PTGR2: variants seen among roughly 807,000 people sequenced by gnomAD.
PTGR2 encodes the protein prostaglandin reductase 2.
Under a neutral mutation model 43.4 loss-of-function variants are expected in PTGR2, and 32 were observed. The ratio of observed to expected loss-of-function variants is 0.74; its 90% CI spans 0.56 to 0.99. PTGR2 has a LOEUF of 0.99. Ranked by LOEUF, PTGR2 falls within the 50% of genes least tolerant of loss-of-function variation. The pLI, the probability that PTGR2 is intolerant of heterozygous loss-of-function variation, is 0.00. For synonymous variants in PTGR2, 106 were observed against 139.2 expected, an observed-to-expected ratio of 0.76 and a Z score of 1.68; for missense variants, 373 against 420.0, an observed-to-expected ratio of 0.89 and a Z score of 0.98.
At chr14:73,861,919 C>G (rs1235017696) in intron 3 of PTGR2, among the ~76,000 whole-genome samples, 2 of 151,756 alleles carry the variant, frequency 1.3e-5, no homozygotes, top group African/African-American at 4.8e-5. Flanking sequence ...ACTCTGTTGC[C>G]TAGGCTGGAG....
chr14:73,856,444 T>A (rs1355242138), intron 1 of PTGR2, among the ~76,000 whole-genome samples: 1 of 151,836 alleles, frequency 6.6e-6, no homozygotes, highest in Non-Finnish European at 1.5e-5. Context: ...AGAGACAGGA[T>A]TTCATCATGT....
intron 2 of PTGR2, among the ~76,000 whole-genome samples, chr14:73,859,906 T>G (rs56901126): frequency 0.033 from 4,937 of 150,988 alleles, 180 homozygotes; most frequent in African/African-American, 0.083. Context: ...TGTCATGCAG[T>G]GGCACAATCT....
chr14:73,872,640 A>T (rs1440497214), intron 3 of PTGR2, among the ~76,000 whole-genome samples: 1 of 152,190 alleles, frequency 6.6e-6, no homozygotes, highest in Non-Finnish European at 1.5e-5. Flanking sequence ...TGCAACTGTC[A>T]CCTCAGTTTT....
Position 73,875,555 on chromosome 14 carries a change from A to C in PTGR2, c.348+1341A>C, listed in dbSNP as rs542297541. Among the ~76,000 whole-genome samples the C allele has an allele frequency of 4.1e-4, 62 of 151,238 alleles. No homozygotes were observed. In the South Asian group the frequency reaches 0.012, roughly 30 times the overall value. On this transcript the variant is annotated intron_variant, in intron 4 of 9. Transcript: ENST00000555661. ...GAGATGGGATTTCAGCATCTTGGCC[A>C]GGGTGGTGTTGAATGCCTGACCTCA...
chr14:73,871,520 A>C (rs1173592700), intron 3 of PTGR2, among the ~76,000 whole-genome samples: 2 of 152,056 alleles, frequency 1.3e-5, no homozygotes, highest in Non-Finnish European at 2.9e-5. Context: ...ATTAAACCAA[A>C]GGAGAGGGTA....
At chr14:73,873,745 T>C (rs1421945813) in intron 3 of PTGR2, among the ~76,000 whole-genome samples, 1 of 152,152 alleles carries the variant, frequency 6.6e-6, no homozygotes, top group Non-Finnish European at 1.5e-5. Context: ...ATTATAGGCC[T>C]GAGCCACCGT....
At chr14:73,863,063 CACTT>C (rs1027021639) in intron 3 of PTGR2, among the ~76,000 whole-genome samples, 9 of 152,126 alleles carry the variant, frequency 5.9e-5, no homozygotes, top group Admixed American at 2.6e-4. Flanking sequence ...ACAATTTACT[CACTT>C]AAAGAGTACA....
intron 3 of PTGR2, among the ~76,000 whole-genome samples, chr14:73,864,272 G>A (rs2054555736): frequency 2.0e-5 from 3 of 152,286 alleles, no homozygotes; most frequent in Admixed American, 1.3e-4. Flanking sequence ...ATGTTTTTGT[G>A]TGGACTGTGT....
At chr14:73,853,676 T>C (rs939103545) in intron 1 of PTGR2, among the ~76,000 whole-genome samples, 7 of 152,262 alleles carry the variant, frequency 4.6e-5, no homozygotes, top group Non-Finnish European at 1.0e-4. Flanking sequence ...CACAGTTTTT[T>C]TGGGGTGAGG....
At chr14:73,877,263 T>C (rs1854621662) in intron 5 of PTGR2, 95 bp downstream of exon 5, 7 of 1,150,510 alleles carry the variant, frequency 6.1e-6, no homozygotes, top group Admixed American at 2.4e-5. Flanking sequence ...ATTAAAAATA[T>C]AAAATTGGAT....
intron 3 of PTGR2, among the ~76,000 whole-genome samples, chr14:73,872,761 G>A (rs1163301257): frequency 2.6e-5 from 4 of 152,026 alleles, no homozygotes. Flanking sequence ...GCAGATCAAC[G>A]AGGTCAGGAG....
intron 7 of PTGR2, among the ~76,000 whole-genome samples, chr14:73,880,818 A>C (rs949619369): frequency 6.6e-6 from 1 of 152,088 alleles, no homozygotes; most frequent in Admixed American, 6.6e-5. Context: ...ATTATTTGAG[A>C]TGGAGTCTCG....
intron 4 of PTGR2, among the ~76,000 whole-genome samples, chr14:73,874,905 G>A (rs2054820732): frequency 6.6e-6 from 1 of 152,156 alleles, no homozygotes; most frequent in South Asian, 2.1e-4. Context: ...GTCTCACTCT[G>A]TCACCCAGGC....
chr14:73,881,365 A>C, intron 8 of PTGR2, 73 bp downstream of exon 8: 5 of 848,028 alleles, frequency 5.9e-6, no homozygotes, highest in Non-Finnish European at 9.7e-6. Context: ...TAAATGTACT[A>C]TAGCAAACAT....
intron 4 of PTGR2, among the ~76,000 whole-genome samples, chr14:73,876,456 TTTC>T (rs1355454040): frequency 1.3e-5 from 2 of 151,236 alleles, no homozygotes; most frequent in East Asian, 2.0e-4. Context: ...ATAGATCTTG[TTTC>T]TTCTTCTTCT....
At position 73,882,410 on chromosome 14, in the gene PTGR2, G is replaced by C. The variant is rs780212945; in HGVS notation, c.951G>C (p.Thr317=). 1.3e-6 allele frequency: 2 copies of C among 1,571,078 alleles called. No individual in the cohort carries two copies. The highest frequency in any genetic ancestry group is 1.8e-6 in the Non-Finnish European group (2 of 1,142,078). Residue 317 remains threonine, a synonymous_variant, in exon 9 of 10, where the codon ACG becomes ACC. Coordinates refer to ENST00000555661, the MANE Select transcript of PTGR2 (RefSeq NM_001146154.2). ...ATTTTGATTTACAGATTAAAGAGACGGTAATAAATGGGTTGGAAAACATGG... is the reference window on the plus strand; with the variant it reads ...ATTTTGATTTACAGATTAAAGAGACCGTAATAAATGGGTTGGAAAACATGG... ...FKEGKLKIKE[T]VINGLENMGA...
intron 4 of PTGR2, 129 bp downstream of exon 4, chr14:73,874,343 A>G: frequency 1.4e-6 from 1 of 714,538 alleles, no homozygotes. Flanking sequence ...AGCTGCCAAA[A>G]TGTGGAAAGC....
chr14:73,871,539 A>T (rs1371896888), intron 3 of PTGR2, among the ~76,000 whole-genome samples: 1 of 151,764 alleles, frequency 6.6e-6, no homozygotes, highest in East Asian at 1.9e-4. Flanking sequence ...TAGAGTGGGG[A>T]CCCTGATTTA....
At position 73,865,280 on chromosome 14, in the gene PTGR2, T is replaced by C. The variant is rs558195535; in HGVS notation, c.156+4623T>C. The stretch of plus-strand genomic sequence containing the variant: ...AGAGCCCAGGAAGCCATGGGTGCAG[T>C]CTCAGAGTACAAAGGCTGAAGAACC... On this transcript the variant is annotated intron_variant, in intron 3 of 9. Coordinates refer to ENST00000555661, the MANE Select transcript of PTGR2 (RefSeq NM_001146154.2). Among the ~76,000 whole-genome samples the C allele has an allele frequency of 5.9e-5, 9 of 152,254 alleles. No homozygotes were observed. The East Asian group carries it at 1.5e-3, about 26-fold the overall frequency.
Sources: allele counts gnomAD v4.1 joint callset (sites outside exome capture counted in the v4.1 genomes callset), GRCh38; gene constraint gnomAD v4.1.1; transcripts MANE v1.5; gene names NCBI Gene and HGNC (gene_info 2026-07-23, HGNC 2026-07-21).